The following ZBTB4 variants were observed in gnomAD, a reference collection of about 807,000 sequenced individuals.
ZBTB4 encodes zinc finger and BTB domain-containing protein 4.
In ZBTB4, 14 loss-of-function variants were observed where a neutral mutation model predicts 59.8. That is an observed-to-expected ratio of 0.23 (90% confidence interval 0.15 to 0.37). The LOEUF is 0.37. ZBTB4 is among the 10% of genes least tolerant of loss of function. The pLI is 1.00. For missense variants in ZBTB4, 1,198 were observed against 1,380.8 expected (o/e 0.87, Z 2.10); for synonymous variants, 587 against 575.2 (o/e 1.02, Z -0.29).
chr17:7,472,793 A>T (rs1010180234), intron 1 of ZBTB4, among the ~76,000 whole-genome samples: 1 of 151,066 alleles, frequency 6.6e-6, no homozygotes, highest in Non-Finnish European at 1.5e-5. Flanking sequence ...GGTGCACACC[A>T]CAATGCCCAG....
chr17:7,484,103 A>G (rs1465148798), upstream of ZBTB4: 1 of 152,310 alleles, frequency 6.6e-6, no homozygotes, highest in Non-Finnish European at 1.5e-5. Flanking sequence ...AAAGCGGCCC[A>G]ATTTTACCCT....
In ZBTB4 at chr17:7,478,177, C is replaced by T. The variant is rs993874810; in HGVS notation, c.-81+1279G>A. 2.0e-5 allele frequency among the ~76,000 whole-genome samples: 3 copies of T among 152,274 alleles called. No individual in the cohort carries two copies. In the East Asian group the frequency reaches 5.8e-4, roughly 29 times the overall value. On this transcript the variant is annotated intron_variant, in intron 1 of 3. Coordinates refer to ENST00000380599, the MANE Select transcript of ZBTB4 (RefSeq NM_001128833.2). ...TTTCTGACCAGTTTGCCTCCCAGCT[C>T]AGCAGCCCAGACAGGCTCCTACAAA... is the stretch of plus-strand genomic sequence containing the variant.
At chr17:7,469,962 G>A (rs2070177635) in intron 1 of ZBTB4, among the ~76,000 whole-genome samples, 1 of 151,668 alleles carries the variant, frequency 6.6e-6, no homozygotes, top group South Asian at 2.1e-4. Context: ...GGCACCTGTA[G>A]TCCCAGCTAC....
intron 1 of ZBTB4, among the ~76,000 whole-genome samples, chr17:7,476,367 G>A (rs1314402607): frequency 6.6e-6 from 1 of 152,208 alleles, no homozygotes; most frequent in Non-Finnish European, 1.5e-5. Context: ...CTCAGCGTGA[G>A]CCAGGCGTGA....
At position 7,463,332 on chromosome 17, in the gene ZBTB4, C is replaced by T; in HGVS notation, c.1650G>A (p.Met550Ile). ...VSPATAAGPAMATTTEEAKGR... is the reference protein window; with the variant it reads ...VSPATAAGPAIATTTEEAKGR... ...CCTTGGCCTCCTCCGTGGTGGTGGC[C>T]ATGGCTGGCCCTGCAGCGGTGGCTG... The change falls in exon 4 of 4, where the codon ATG becomes ATA. Residue 550 changes from methionine to isoleucine, a missense_variant. By Grantham distance (10) the Met-to-Ile change is conservative. This residue lies in a region of ZBTB4 where 550 missense variants were observed against 541.8 expected (regional missense o/e 1.02). Transcript: ENST00000380599. The T allele has an allele frequency of 6.2e-7, 1 of 1,606,886 alleles. No individual in the cohort carries two copies. Among genetic ancestry groups the T allele is most frequent in the East Asian group, 2.2e-5 (1 of 44,680 alleles).
At position 7,466,034 on chromosome 17, in the gene ZBTB4, G is replaced by A; in HGVS notation, c.768C>T (p.Cys256=). The part of the protein sequence containing the change: ...PKRLQTHEAQ[C]RRGASTRGST... ...ACCCCCGCGTGCTGGCCCCTCGTCG[G>A]CACTGGGCCTCATGGGTCTGCAGCC... Residue 256 remains cysteine, a synonymous_variant, in exon 3 of 4, where the codon TGC becomes TGT. Coordinates refer to ENST00000380599, the MANE Select transcript of ZBTB4 (RefSeq NM_001128833.2). This position sits in a 1 kb window ranked among gnomAD's most constrained non-coding sequence, Gnocchi z 9.1. The A allele has an allele frequency of 6.2e-7, 1 of 1,608,294 alleles. No individual in the cohort carries two copies. Among genetic ancestry groups the A allele is most frequent in the Non-Finnish European group, 8.5e-7 (1 of 1,176,644 alleles).
chr17:7,484,178 A>T (rs1172021537), upstream of ZBTB4: 1 of 153,458 alleles, frequency 6.5e-6, no homozygotes, highest in African/African-American at 2.4e-5. Flanking sequence ...GGGATTAAAG[A>T]AAAAAATTCT....
Position 7,466,108 on chromosome 17 carries a change from G to T in ZBTB4, c.694C>A (p.Arg232=). Residue 232 remains arginine (R), a synonymous_variant, in exon 3 of 4, where the codon CGG becomes AGG. Transcript: ENST00000380599. The surrounding 1 kb of genome is among the most constrained non-coding windows in gnomAD (Gnocchi z 9.1). ...CCACACTGGGGGCAGGGGAGGGGCC[G>T]CCGGGGCAGGGAGCACTGCAAGTCA... The part of the protein sequence containing the change: ...APDLQCSLPR[R]PLPCPQCGKS... The T allele has an allele frequency of 6.2e-7, 1 of 1,605,948 alleles. No homozygotes were observed. Among genetic ancestry groups the T allele is most frequent in the Non-Finnish European group, 8.5e-7 (1 of 1,175,242 alleles).
chr17:7,480,593 G>C (rs1444074177), upstream of ZBTB4, among the ~76,000 whole-genome samples: 1 of 152,104 alleles, frequency 6.6e-6, no homozygotes, highest in Non-Finnish European at 1.5e-5. Context: ...GGTGGCGGGC[G>C]CCTGTGGTCC....
intron 3 of ZBTB4, among the ~76,000 whole-genome samples, chr17:7,464,912 T>G (rs998690237): frequency 6.7e-6 from 1 of 149,750 alleles, no homozygotes. Flanking sequence ...ATCTCAGCAC[T>G]TTGGGAGGCC....
Position 7,474,885 on chromosome 17 carries a change from G to A in ZBTB4, c.-81+4571C>T, listed in dbSNP as rs186905428. The stretch of plus-strand genomic sequence containing the variant: ...AAATTAGCTGGGTGTGGTGGTGCAC[G>A]CTTGTAACCCCAGCTACTCAGGTGG... On this transcript the variant is annotated intron_variant, in intron 1 of 3. Transcript: ENST00000380599. 4.8e-3 allele frequency among the ~76,000 whole-genome samples: 723 copies of A among 151,936 alleles called. 6 individuals carry two copies. The highest frequency in any genetic ancestry group is 0.017 in the African/African-American group (684 of 41,434).
chr17:7,464,258 G>C (rs2070079092), intron 3 of ZBTB4, among the ~76,000 whole-genome samples: 1 of 152,132 alleles, frequency 6.6e-6, no homozygotes, highest in Admixed American at 6.6e-5. Context: ...CCTTTCTGGT[G>C]AGGGGAGTTT....
intron 1 of ZBTB4, among the ~76,000 whole-genome samples, chr17:7,468,406 G>A (rs985529133): frequency 6.6e-6 from 1 of 152,090 alleles, no homozygotes; most frequent in Admixed American, 6.6e-5. Flanking sequence ...AAAGGGAAGA[G>A]CAGACAACTG....
At position 7,463,085 on chromosome 17, in the gene ZBTB4, T is replaced by C; in HGVS notation, c.1897A>G (p.Met633Val). The C allele has an allele frequency of 6.2e-7, 1 of 1,610,794 alleles. No individual in the cohort carries two copies. The highest frequency in any genetic ancestry group is 2.2e-5 in the East Asian group (1 of 44,828). ...LRPGELSGEE[M>V]EESEEDEEEE... ...TCTTCGTCCTCCTCACTCTCCTCCA[T>C]CTCCTCTCCGCTCAGCTCCCCAGGA... The change falls in exon 4 of 4, where the codon ATG (methionine) becomes GTG (valine). Residue 633 changes from methionine to valine, a missense_variant. By Grantham distance (21) the Met-to-Val change is conservative (BLOSUM62 1). Around this residue, in one of 9 missense-constraint regions of ZBTB4, gnomAD observed 550 missense variants for 541.8 expected, o/e 1.02. Coordinates refer to ENST00000380599, the MANE Select transcript of ZBTB4 (RefSeq NM_001128833.2).
Position 7,462,212 on chromosome 17 carries a change from G to A in ZBTB4, c.2770C>T (p.Leu924Phe). ...KVTFYPEPYP[L>F]VYGPQLLAAY... ...GCAAGGAGCTGGGGGCCATAGACGA[G>A]CGGGTAGGGCTCAGGGTAGAAAGTG... The change falls in exon 4 of 4, where the codon CTC (leucine) becomes TTC (phenylalanine). Residue 924 changes from leucine to phenylalanine, a missense_variant. Physicochemically the swap from Leu to Phe is conservative, Grantham distance 22 (BLOSUM62 0). This residue lies in a region of ZBTB4 where 211 missense variants were observed against 236.1 expected (regional missense o/e 0.89). Coordinates refer to ENST00000380599, the MANE Select transcript of ZBTB4 (RefSeq NM_001128833.2). The surrounding 1 kb of genome is among the most constrained non-coding windows in gnomAD (Gnocchi z 7.5). 1 of 1,613,832 alleles carries A rather than the reference G, an allele frequency of 6.2e-7. No homozygotes were observed. Among genetic ancestry groups the A allele is most frequent in the Non-Finnish European group, 8.5e-7 (1 of 1,179,860 alleles).
upstream of ZBTB4, among the ~76,000 whole-genome samples, chr17:7,483,654 C>G (rs903590968): frequency 6.6e-6 from 1 of 152,164 alleles, no homozygotes; most frequent in East Asian, 1.9e-4. Flanking sequence ...ACCCCAAATC[C>G]CCCAGGACTT....
upstream of ZBTB4, chr17:7,483,207 G>A (rs2070370479): frequency 1.0e-6 from 1 of 988,838 alleles, no homozygotes. Flanking sequence ...GTGGAGACCA[G>A]GCTGGGTCCT....
chr17:7,482,623 G>A (rs2070360631), upstream of ZBTB4: 2 of 1,611,984 alleles, frequency 1.2e-6, no homozygotes, highest in Non-Finnish European at 1.7e-6. Flanking sequence ...ATCGTTCTCT[G>A]CACTTTCCCT....
At chr17:7,476,645 C>G (rs1437184408) in intron 1 of ZBTB4, among the ~76,000 whole-genome samples, 1 of 152,230 alleles carries the variant, frequency 6.6e-6, no homozygotes, top group Non-Finnish European at 1.5e-5. Flanking sequence ...AAGGCCACCT[C>G]CTTCTTGGCC....
Sources: allele counts gnomAD v4.1 joint callset (sites outside exome capture counted in the v4.1 genomes callset), GRCh38; gene constraint gnomAD v4.1.1; regional missense constraint gnomAD v4.1.1; non-coding constraint Gnocchi (gnomAD v3.1); transcripts MANE v1.5; gene names NCBI Gene and HGNC (gene_info 2026-07-23, HGNC 2026-07-21).